The following PPFIBP1 variants were observed in gnomAD, a reference collection of about 807,000 sequenced individuals.
PPFIBP1 encodes the protein PPFIB scaffold protein 1.
A neutral mutation model predicts 137.8 loss-of-function variants in PPFIBP1; 112 were observed. The observed-to-expected ratio is 0.81, with a 90% confidence interval of 0.70 to 0.95. The LOEUF (loss-of-function observed/expected upper bound fraction) is 0.95. PPFIBP1 is among the 40% of genes least tolerant of loss of function. The pLI, the probability that PPFIBP1 is intolerant of heterozygous loss-of-function variation, is 0.00. For synonymous variants in PPFIBP1, 378 were observed against 417.3 expected, an observed-to-expected ratio of 0.91 and a Z score of 1.15; for missense variants, 1,083 against 1,196.6, an observed-to-expected ratio of 0.91 and a Z score of 1.40.
intron 2 of PPFIBP1, among the ~76,000 whole-genome samples, chr12:27,608,574 C>T (rs1355621916): frequency 2.0e-5 from 3 of 152,188 alleles, no homozygotes; most frequent in Non-Finnish European, 4.4e-5. Context: ...TAAGTAAAAG[C>T]ATTTACCCTT....
intron 17 of PPFIBP1, among the ~76,000 whole-genome samples, chr12:27,675,623 A>G (rs907776447): frequency 2.0e-5 from 3 of 152,218 alleles, no homozygotes; most frequent in Non-Finnish European, 4.4e-5. Flanking sequence ...TTAGATATCC[A>G]TATGTAGAAG....
intron 2 of PPFIBP1, among the ~76,000 whole-genome samples, chr12:27,604,695 C>T (rs545677578): frequency 6.6e-6 from 1 of 152,364 alleles, no homozygotes; most frequent in Non-Finnish European, 1.5e-5. Flanking sequence ...CAATGGTCTC[C>T]ATTCAATTAG....
At chr12:27,660,461 C>A (rs1157694432) in intron 10 of PPFIBP1, among the ~76,000 whole-genome samples, 1 of 152,182 alleles carries the variant, frequency 6.6e-6, no homozygotes, top group Non-Finnish European at 1.5e-5. Context: ...TCATTCATGC[C>A]TCTATCTTGG....
chr12:27,612,328 G>GGT lies in PPFIBP1; in HGVS notation c.-35-21034_-35-21033insGT, dbSNP rs2055209768. 2.4e-4 allele frequency among the ~76,000 whole-genome samples: 21 copies of GGT among 87,252 alleles called. 1 individual carries two copies. The highest frequency in any genetic ancestry group is 2.1e-3 in the Admixed American group (16 of 7,652). 57.2% of individuals were successfully genotyped at this position (87,252 alleles called of 152,430 possible). On this transcript the variant is annotated intron_variant, in intron 2 of 29. Coordinates refer to ENST00000228425, the MANE Select transcript of PPFIBP1 (RefSeq NM_003622.4). ...TATGCTCCATCTGTACTTTATTGGT[G>GGT]TTTTTTTTTTTTTTTTTTTTTTTGA...
chr12:27,526,596 G>A (rs1259160362), intron 1 of PPFIBP1, among the ~76,000 whole-genome samples: 2 of 152,152 alleles, frequency 1.3e-5, no homozygotes, highest in Non-Finnish European at 2.9e-5. Context: ...CACTTTAGGA[G>A]GCTGAGGCAC....
chr12:27,555,291 C>A (rs2048622598), intron 1 of PPFIBP1, among the ~76,000 whole-genome samples: 1 of 152,208 alleles, frequency 6.6e-6, no homozygotes, highest in South Asian at 2.1e-4. Context: ...GCACTCTTTG[C>A]TGTGGCATAG....
At position 27,680,145 on chromosome 12, in the gene PPFIBP1, G is replaced by A. The variant is rs1245995316; in HGVS notation, c.1895+84G>A. The A allele has an allele frequency of 3.9e-6, 6 of 1,526,734 alleles. No homozygotes were observed. In the East Asian group the frequency reaches 1.1e-4, roughly 29 times the overall value. 94.6% of individuals were successfully genotyped at this position (1,526,734 alleles called of 1,614,324 possible). A position where few individuals can be genotyped will look rare whatever the true frequency, so the allele number is the denominator to read the frequency against. On this transcript the variant is annotated intron_variant, in intron 21 of 29. Transcript: ENST00000228425. ...TCCTGCAGTATTAGTACTGTCATTG[G>A]GTTAAACAAAGTCATTGCTTAATGC...
At chr12:27,525,026 G>C (rs574504209) in intron 1 of PPFIBP1, among the ~76,000 whole-genome samples, 1 of 152,202 alleles carries the variant, frequency 6.6e-6, no homozygotes, top group East Asian at 1.9e-4. Flanking sequence ...GGAGAGGTTA[G>C]GATGGCTGCT....
At chr12:27,672,003 G>A (rs548741339) in intron 14 of PPFIBP1, among the ~76,000 whole-genome samples, 38 of 152,150 alleles carry the variant, frequency 2.5e-4, no homozygotes, top group East Asian at 1.7e-3. Context: ...CCCAGGAAGC[G>A]GAGGCTGAAG....
chr12:27,544,012 TG>T (rs1327611251), intron 1 of PPFIBP1, among the ~76,000 whole-genome samples: 3 of 151,876 alleles, frequency 2.0e-5, no homozygotes, highest in Admixed American at 6.6e-5. Flanking sequence ...CTCAAGTAGC[TG>T]GGATTACAGA....
At position 27,680,093 on chromosome 12, in the gene PPFIBP1, C is replaced by G. The variant is rs1288299351; in HGVS notation, c.1895+32C>G. On this transcript the variant is annotated intron_variant, in intron 21 of 29. Transcript: ENST00000228425. ...AGAGCCAACTGATAGACTTTTGCAT[C>G]TCTACCAAGCATCATAGCCTCATGA... is the stretch of plus-strand genomic sequence containing the variant. 4 of 1,610,866 alleles carry G rather than the reference C, an allele frequency of 2.5e-6. 1 individual carries two copies. Among genetic ancestry groups the G allele is most frequent in the Admixed American group, 1.7e-5 (1 of 59,770 alleles).
At chr12:27,599,618 C>A in intron 2 of PPFIBP1, 3 of 378,476 alleles carry the variant, frequency 7.9e-6, no homozygotes, top group Non-Finnish European at 1.6e-5. Flanking sequence ...TCTACAGAAC[C>A]TAGACTAATA....
chr12:27,637,147 A>G (rs1201305612), intron 4 of PPFIBP1: 3 of 152,124 alleles, frequency 2.0e-5, no homozygotes, highest in Non-Finnish European at 4.4e-5. Context: ...TGTGATGTTT[A>G]TATCATTTAT....
intron 20 of PPFIBP1, 100 bp downstream of exon 20, chr12:27,679,739 T>C: frequency 6.9e-7 from 1 of 1,440,684 alleles, no homozygotes. Flanking sequence ...TGTATTCCTC[T>C]TATGGAAGGA....
intron 1 of PPFIBP1, among the ~76,000 whole-genome samples, chr12:27,537,544 C>T (rs118099565): frequency 0.051 from 7,808 of 152,200 alleles, 267 homozygotes; most frequent in Middle Eastern, 0.11. Flanking sequence ...CCATGGCTTA[C>T]AGCAGAGTTC....
intron 12 of PPFIBP1, among the ~76,000 whole-genome samples, chr12:27,665,084 A>G (rs186796948): frequency 1.3e-5 from 2 of 152,238 alleles, no homozygotes; most frequent in East Asian, 3.9e-4. Context: ...GCTACTCAGG[A>G]GGCTGAGGCA....
chr12:27,544,812 G>A (rs868579246), intron 1 of PPFIBP1, among the ~76,000 whole-genome samples: 2 of 152,176 alleles, frequency 1.3e-5, no homozygotes, highest in South Asian at 4.1e-4. Flanking sequence ...CAACCATTGT[G>A]GAAGACAGTG....
intron 1 of PPFIBP1, among the ~76,000 whole-genome samples, chr12:27,574,622 A>T (rs2050411556): frequency 6.6e-6 from 1 of 152,218 alleles, no homozygotes; most frequent in African/African-American, 2.4e-5. Flanking sequence ...ATGCAGAGGT[A>T]TATTTTACTG....
At chr12:27,556,502 G>A (rs2048716271) in intron 1 of PPFIBP1, among the ~76,000 whole-genome samples, 1 of 152,150 alleles carries the variant, frequency 6.6e-6, no homozygotes, top group African/African-American at 2.4e-5. Context: ...TTTTTGCAGA[G>A]ATTTGATATG....
Sources: gnomAD v4.1 joint callset for allele counts (sites outside exome capture counted in the v4.1 genomes callset) on GRCh38, gnomAD v4.1.1 for gene constraint, MANE v1.5 for transcripts, NCBI Gene and HGNC (gene_info 2026-07-23, HGNC 2026-07-21) for gene names.